FGF19: variants seen among roughly 807,000 people sequenced by gnomAD.
The protein encoded by FGF19 is fibroblast growth factor 19.
FGF19 carries 5 observed loss-of-function variants against 8.9 expected under a neutral mutation model. The observed-to-expected ratio is 0.56, with a 90% CI of 0.29 to 1.18. The LOEUF (loss-of-function observed/expected upper bound fraction) is 1.18, where lower values mean the gene tolerates loss of function less well. FGF19 is among the 50% of genes most tolerant of loss of function. The pLI, the probability that FGF19 is intolerant of heterozygous loss-of-function variation, is 0.08. For missense variants in FGF19, 237 were observed against 293.9 expected, an observed-to-expected ratio of 0.81 and a Z score of 1.42; for synonymous variants, 124 against 128.0, an observed-to-expected ratio of 0.97 and a Z score of 0.21.
At chr11:69,699,661 C>T (rs1011780967) in intron 2 of FGF19, 85 bp from the exon 3 acceptor site, 2 of 1,096,572 alleles carry the variant, frequency 1.8e-6, no homozygotes, top group South Asian at 1.6e-5. Flanking sequence ...CAGACTGTCC[C>T]TGGTGGCCAC....
intron 2 of FGF19, among the ~76,000 whole-genome samples, chr11:69,699,879 G>A (rs1384028655): frequency 6.6e-6 from 1 of 152,130 alleles, no homozygotes; most frequent in African/African-American, 2.4e-5. Flanking sequence ...CTGAATCCAG[G>A]AGTTTGAGAC....
At chr11:69,700,789 G>GGCCT (rs1472223630) in intron 2 of FGF19, among the ~76,000 whole-genome samples, 1 of 96,114 alleles carries the variant, frequency 1.0e-5, no homozygotes, top group African/African-American at 3.9e-5. Context: ...AGGCCAGGCC[G>GGCCT]GCGCCCAGCT....
chr11:69,699,251 C>A lies in FGF19; in HGVS notation c.*11G>T. 2 of 1,594,504 alleles carry A rather than the reference C, an allele frequency of 1.3e-6. No individual in the cohort carries two copies. The highest frequency in any genetic ancestry group is 1.1e-5 in the South Asian group (1 of 87,542). ...CCTGGCAGCAGTGAAGAGGCCCGGG[C>A]ATGGTCTCAGTTACTTCTCAAAGCT... On this transcript the variant is annotated 3_prime_UTR_variant, in exon 3 of 3. Coordinates refer to ENST00000294312, the MANE Select transcript of FGF19 (RefSeq NM_005117.3).
chr11:69,700,999 C>T (rs1854766962), intron 2 of FGF19, among the ~76,000 whole-genome samples: 1 of 152,222 alleles, frequency 6.6e-6, no homozygotes, highest in Non-Finnish European at 1.5e-5. Flanking sequence ...CTGCCTAAGT[C>T]TGCAAAGGTC....
chr11:69,703,363 A>G lies in FGF19; in HGVS notation c.234T>C (p.Ser78=). ...GAGCGACTGCCTTGATCTCCAGCAA[A>G]CCTAGGCGCAGGGGAAGCGAGAAGC... ...VDCARGQSAH[S]LLEIKAVALR... The change falls in exon 2 of 3, where the codon AGT becomes AGC. Residue 78 remains serine (S), a splice_region_variant and synonymous_variant. Transcript: ENST00000294312. This position sits in a 1 kb window ranked among gnomAD's most constrained non-coding sequence, Gnocchi z 6.8. The G allele has an allele frequency of 6.2e-7, 1 of 1,604,216 alleles. No homozygotes were observed. The highest frequency in any genetic ancestry group is 8.5e-7 in the Non-Finnish European group (1 of 1,175,828).
rs117514638 is a variant in FGF19, at chr11:69,698,569, G to A, written c.*693C>T. 1,221 of 193,058 alleles carry A rather than the reference G, an allele frequency of 6.3e-3. 8 individuals are homozygous for A. The highest frequency in any genetic ancestry group is 9.3e-3 in the Non-Finnish European group (864 of 92,498). 12.0% of individuals were successfully genotyped at this position (193,058 alleles called of 1,614,324 possible). A position where few individuals can be genotyped will look rare whatever the true frequency, so the allele number is the denominator to read the frequency against. ...GGTGGGCAGAGGGCTGGTGGGCTGGGAGATGGAAGCAGGTGACACCGGGAC... is the reference window on the plus strand; with the variant it reads ...GGTGGGCAGAGGGCTGGTGGGCTGGAAGATGGAAGCAGGTGACACCGGGAC... On this transcript the variant is annotated 3_prime_UTR_variant, in exon 3 of 3. Transcript: ENST00000294312.
In FGF19 at chr11:69,703,162, C is replaced by A. The variant is rs1243777383; in HGVS notation, c.336+99G>T. ...GGTCTGGGCGGAGGAGGCGAGGAAA[C>A]CCTGGATTCGAACCAGCGCCTTTCT... On this transcript the variant is annotated intron_variant, in intron 2 of 2. Coordinates refer to ENST00000294312, the MANE Select transcript of FGF19 (RefSeq NM_005117.3). This position sits in a 1 kb window ranked among gnomAD's most constrained non-coding sequence, Gnocchi z 6.8. The A allele has an allele frequency of 3.9e-6, 3 of 776,794 alleles. No individual in the cohort carries two copies. Among genetic ancestry groups the A allele is most frequent in the Non-Finnish European group, 6.1e-6 (3 of 489,034 alleles). The allele number at this position is 776,794 out of a possible 1,614,324, so 48.1% of individuals were successfully genotyped here. A position where few individuals can be genotyped will look rare whatever the true frequency, so the allele number is the denominator to read the frequency against.
At chr11:69,700,740 A>G (rs1261203372) in intron 2 of FGF19, among the ~76,000 whole-genome samples, 2 of 150,440 alleles carry the variant, frequency 1.3e-5, no homozygotes, top group East Asian at 4.0e-4. Context: ...GCAGGCTGCC[A>G]GGAGGCAGAT....
rs1255012380 is a variant in FGF19, at chr11:69,703,755, G to C, written c.122C>G (p.Pro41Arg). 2 of 1,234,088 alleles carry C rather than the reference G, an allele frequency of 1.6e-6. No homozygotes were observed. The highest frequency in any genetic ancestry group is 4.0e-5 in the South Asian group (1 of 24,812). 76.4% of individuals were successfully genotyped at this position (1,234,088 alleles called of 1,614,324 possible). A position where few individuals can be genotyped will look rare whatever the true frequency, so the allele number is the denominator to read the frequency against. ...GPHVHYGWGD[P>R]IRLRHLYTSG... is the part of the protein sequence containing the mutation. ...GGTGTACAGGTGCCGCAGGCGGATG[G>C]GGTCGCCCCAGCCGTAGTGCACGTG... Residue 41 changes from proline (P) to arginine (R), a missense_variant, in exon 1 of 3, where the codon CCC (proline) becomes CGC (arginine). Physicochemically the swap from Pro to Arg is moderately radical, Grantham distance 103. Coordinates refer to ENST00000294312, the MANE Select transcript of FGF19 (RefSeq NM_005117.3). This position sits in a 1 kb window ranked among gnomAD's most constrained non-coding sequence, Gnocchi z 6.8.
chr11:69,700,507 T>C (rs866434515), intron 2 of FGF19, among the ~76,000 whole-genome samples: 18 of 152,360 alleles, frequency 1.2e-4, no homozygotes, highest in African/African-American at 3.1e-4. Flanking sequence ...GGGTATTTCA[T>C]TGGCACTTTG....
Position 69,699,143 on chromosome 11 carries a change from T to C in FGF19, c.*119A>G. On this transcript the variant is annotated 3_prime_UTR_variant, in exon 3 of 3. Transcript: ENST00000294312. ...ACTCTGAATATGTACAACTTCTAGATGTTTCTTCCTAAAGCTAAACAGAAC... is the reference window on the plus strand; with the variant it reads ...ACTCTGAATATGTACAACTTCTAGACGTTTCTTCCTAAAGCTAAACAGAAC... 1 of 695,882 alleles carries C rather than the reference T, an allele frequency of 1.4e-6. No homozygotes were observed. Among genetic ancestry groups the C allele is most frequent in the Non-Finnish European group, 2.4e-6 (1 of 421,672 alleles). The allele number at this position is 695,882 out of a possible 1,614,324, so 43.1% of individuals were successfully genotyped here.
rs955798234 is a variant in FGF19 at position 69,699,058 on chromosome 11, G to A, written c.*204C>T. 2.3e-5 allele frequency: 13 copies of A among 570,530 alleles called. No individual in the cohort carries two copies. Among genetic ancestry groups the A allele is most frequent in the Admixed American group, 2.0e-4 (6 of 30,422 alleles). The allele number at this position is 570,530 out of a possible 1,614,324, so 35.3% of individuals were successfully genotyped here. On this transcript the variant is annotated 3_prime_UTR_variant, in exon 3 of 3. Coordinates refer to ENST00000294312, the MANE Select transcript of FGF19 (RefSeq NM_005117.3). ...CCAGGCAGCAGCTGGGCAAGCTACA[G>A]GCTTACAATGTTATGATCAGACAAG...
chr11:69,703,933 C>G lies in FGF19; in HGVS notation c.-57G>C. 1 of 1,100,804 alleles carries G rather than the reference C, an allele frequency of 9.1e-7. No individual in the cohort carries two copies. The highest frequency in any genetic ancestry group is 1.2e-6 in the Non-Finnish European group (1 of 864,536). 68.2% of individuals were successfully genotyped at this position (1,100,804 alleles called of 1,614,324 possible). A position where few individuals can be genotyped will look rare whatever the true frequency, so the allele number is the denominator to read the frequency against. On this transcript the variant is annotated 5_prime_UTR_variant, in exon 1 of 3. Coordinates refer to ENST00000294312, the MANE Select transcript of FGF19 (RefSeq NM_005117.3). The surrounding 1 kb of genome is among the most constrained non-coding windows in gnomAD (Gnocchi z 6.8). Reference sequence around the variant, plus strand: ...GGCGATGGGGGTGCGGGAGGCTGGGCGGCGACCGGGATGCGCTGCGGGGCT... The same window carrying G: ...GGCGATGGGGGTGCGGGAGGCTGGGGGGCGACCGGGATGCGCTGCGGGGCT...
rs1854808716 is a variant in FGF19 at position 69,703,824 on chromosome 11, A to G, written c.53T>C (p.Leu18Pro). 8.1e-7 allele frequency: 1 copy of G among 1,236,236 alleles called. No individual in the cohort carries two copies. The highest frequency in any genetic ancestry group is 1.0e-6 in the Non-Finnish European group (1 of 989,998). 76.6% of individuals were successfully genotyped at this position (1,236,236 alleles called of 1,614,324 possible). The change falls in exon 1 of 3, where the codon CTG becomes CCG. Residue 18 changes from leucine (L) to proline (P), a missense_variant. By Grantham distance (98) the Leu-to-Pro change is moderately conservative (BLOSUM62 -3). Coordinates refer to ENST00000294312, the MANE Select transcript of FGF19 (RefSeq NM_005117.3). The surrounding 1 kb of genome is among the most constrained non-coding windows in gnomAD (Gnocchi z 6.8). ...GGCGAGGGGGCGCCCGGCCACGGCC[A>G]GCCAGAGGCCGGCCAGGATCCATAC... Reference protein sequence around the residue: ...VHVWILAGLWLAVAGRPLAFS... With the variant: ...VHVWILAGLWPAVAGRPLAFS...
chr11:69,703,914 G>T lies in FGF19; in HGVS notation c.-38C>A. Reference sequence around the variant, plus strand: ...GGGCTCTCGGCGCAGCTCCGGCGATGGGGGTGCGGGAGGCTGGGCGGCGAC... The same window carrying T: ...GGGCTCTCGGCGCAGCTCCGGCGATTGGGGTGCGGGAGGCTGGGCGGCGAC... On this transcript the variant is annotated 5_prime_UTR_variant, in exon 1 of 3. Coordinates refer to ENST00000294312, the MANE Select transcript of FGF19 (RefSeq NM_005117.3). This position sits in a 1 kb window ranked among gnomAD's most constrained non-coding sequence, Gnocchi z 6.8. 2.5e-6 allele frequency: 3 copies of T among 1,200,744 alleles called. No homozygotes were observed. The highest frequency in any genetic ancestry group is 3.1e-6 in the Non-Finnish European group (3 of 954,662). 74.4% of individuals were successfully genotyped at this position (1,200,744 alleles called of 1,614,324 possible). A position where few individuals can be genotyped will look rare whatever the true frequency, so the allele number is the denominator to read the frequency against.
chr11:69,701,121 G>A (rs1427907710), intron 2 of FGF19, among the ~76,000 whole-genome samples: 1 of 152,180 alleles, frequency 6.6e-6, no homozygotes, highest in East Asian at 1.9e-4. Context: ...ACAAAGCATC[G>A]GACAGCAAGC....
chr11:69,699,014 GAGGGAGCAGAATGGGGGCCC>G lies in FGF19; in HGVS notation c.*228_*247del. On this transcript the variant is annotated 3_prime_UTR_variant, in exon 3 of 3. Coordinates refer to ENST00000294312, the MANE Select transcript of FGF19 (RefSeq NM_005117.3). Reference sequence around the variant, plus strand: ...GTGCAGCAGCTTGTCCAGCAACCTCGAGGGAGCAGAATGGGGGCCCAGGCAGCAGCTGGGCAAGCTACAGG... The same window carrying G: ...GTGCAGCAGCTTGTCCAGCAACCTCGAGGCAGCAGCTGGGCAAGCTACAGG... The G allele has an allele frequency of 2.0e-6, 1 of 497,004 alleles. No homozygotes were observed. Among genetic ancestry groups the G allele is most frequent in the Admixed American group, 3.8e-5 (1 of 26,632 alleles). The allele number at this position is 497,004 out of a possible 1,614,324, so 30.8% of individuals were successfully genotyped here. A position where few individuals can be genotyped will look rare whatever the true frequency, so the allele number is the denominator to read the frequency against.
At position 69,699,213 on chromosome 11, in the gene FGF19, A is replaced by G; in HGVS notation, c.*49T>C. On this transcript the variant is annotated 3_prime_UTR_variant, in exon 3 of 3. Transcript: ENST00000294312. Reference sequence around the variant, plus strand: ...TGTAGAAGCACGTCCCCCACGCTGCAGGTACCACAGCCCCTGGCAGCAGTG... The same window carrying G: ...TGTAGAAGCACGTCCCCCACGCTGCGGGTACCACAGCCCCTGGCAGCAGTG... 1 of 1,370,376 alleles carries G rather than the reference A, an allele frequency of 7.3e-7. No homozygotes were observed. Among genetic ancestry groups the G allele is most frequent in the Non-Finnish European group, 1.0e-6 (1 of 987,700 alleles). 84.9% of individuals were successfully genotyped at this position (1,370,376 alleles called of 1,614,324 possible).
rs915809679 is a variant in FGF19, at chr11:69,702,213, C to T, written c.336+1048G>A. Reference sequence around the variant, plus strand: ...TTCTCTGCAGTCCTCTCACGCAGGACTCCGCCATAAAACCTGAAACAGGCG... The same window carrying T: ...TTCTCTGCAGTCCTCTCACGCAGGATTCCGCCATAAAACCTGAAACAGGCG... On this transcript the variant is annotated intron_variant, in intron 2 of 2. Transcript: ENST00000294312. The surrounding 1 kb of genome is among the most constrained non-coding windows in gnomAD (Gnocchi z 4.6). 1.3e-5 allele frequency among the ~76,000 whole-genome samples: 2 copies of T among 152,174 alleles called. No individual in the cohort carries two copies. The highest frequency in any genetic ancestry group is 2.9e-5 in the Non-Finnish European group (2 of 68,040).
Sources: allele counts gnomAD v4.1 joint callset (sites outside exome capture counted in the v4.1 genomes callset), GRCh38; gene constraint gnomAD v4.1.1; non-coding constraint Gnocchi (gnomAD v3.1); transcripts MANE v1.5; gene names NCBI Gene and HGNC (gene_info 2026-07-23, HGNC 2026-07-21).